Variants in KIF2C observed in about 807,000 individuals in gnomAD.
KIF2C encodes kinesin family member 2C.
In KIF2C, 34 loss-of-function variants were observed where a neutral mutation model predicts 97.4. The ratio of observed to expected loss-of-function variants is 0.35; its 90% CI spans 0.27 to 0.46. The LOEUF (loss-of-function observed/expected upper bound fraction) is 0.46, where lower values mean the gene tolerates loss of function less well. Among genes scored for constraint, KIF2C ranks in the 20% least tolerant of loss-of-function variants. KIF2C has a pLI of 1.00. For synonymous variants in KIF2C, 313 were observed against 318.2 expected (o/e 0.98, Z 0.17); for missense variants, 750 against 907.6 (o/e 0.83, Z 2.23).
chr1:44,752,460 G>A (rs1649582380), intron 5 of KIF2C, among the ~76,000 whole-genome samples: 1 of 152,188 alleles, frequency 6.6e-6, no homozygotes, highest in East Asian at 1.9e-4. Context: ...GATTTTTTAA[G>A]TGAGTCAGAT....
intron 2 of KIF2C, among the ~76,000 whole-genome samples, chr1:44,744,627 G>A (rs992724101): frequency 6.6e-6 from 1 of 152,172 alleles, no homozygotes; most frequent in African/African-American, 2.4e-5. Context: ...TTCGCGGGTC[G>A]TGGTGGCTCA....
At chr1:44,758,203 C>A in intron 13 of KIF2C, 63 bp downstream of exon 13, 1 of 1,495,882 alleles carries the variant, frequency 6.7e-7, no homozygotes, top group Non-Finnish European at 9.2e-7. Flanking sequence ...AACCTTGAAG[C>A]TGGCTAGAAG....
Position 44,753,753 on chromosome 1 carries a change from G to T in KIF2C, c.583G>T (p.Val195Leu), listed in dbSNP as rs1649656007. ...VNSVRRKSCL[V>L]KEVEKMKNKR... ...CATAGTTCGGAGGAAATCATGTCTTGTGAAGGAAGTGGAAAAAATGAAGAA... is the reference window on the plus strand; with the variant it reads ...CATAGTTCGGAGGAAATCATGTCTTTTGAAGGAAGTGGAAAAAATGAAGAA... Residue 195 changes from valine (V) to leucine (L), a missense_variant, in exon 7 of 21, where the codon GTG (valine) becomes TTG (leucine). Val to Leu is a conservative substitution (Grantham distance 32). Coordinates refer to ENST00000372224, the MANE Select transcript of KIF2C (RefSeq NM_006845.4). The T allele has an allele frequency of 1.2e-6, 2 of 1,607,118 alleles. No homozygotes were observed.
chr1:44,751,211 T>C (rs555354498), intron 5 of KIF2C, among the ~76,000 whole-genome samples: 35 of 143,372 alleles, frequency 2.4e-4, no homozygotes, highest in Admixed American at 4.2e-4. Flanking sequence ...TATTTATTTA[T>C]TGAGACAGAG....
At chr1:44,744,693 G>T (rs1649097683) in intron 2 of KIF2C, among the ~76,000 whole-genome samples, 2 of 152,128 alleles carry the variant, frequency 1.3e-5, no homozygotes, top group South Asian at 4.1e-4. Flanking sequence ...GAGGTCAGGA[G>T]TTCAAGACCA....
At chr1:44,755,422 C>T (rs779780375) in intron 8 of KIF2C, among the ~76,000 whole-genome samples, 7 of 152,268 alleles carry the variant, frequency 4.6e-5, no homozygotes, top group Admixed American at 2.6e-4. Context: ...TGTGCCACCA[C>T]GCCTAGGTAA....
In KIF2C at chr1:44,767,320, G is replaced by A; in HGVS notation, c.*141G>A. ...AAATGCCAAGTATGGGGGCATCTGG[G>A]CCCAGGGCAGCTGGGGAGGGGGTCA... On this transcript the variant is annotated 3_prime_UTR_variant, in exon 21 of 21. Transcript: ENST00000372224. 3.0e-6 allele frequency: 2 copies of A among 656,788 alleles called. No homozygotes were observed. The highest frequency in any genetic ancestry group is 2.8e-5 in the East Asian group (1 of 35,324). 40.7% of individuals were successfully genotyped at this position (656,788 alleles called of 1,614,324 possible).
At chr1:44,742,170 C>T (rs748232026) in intron 2 of KIF2C, among the ~76,000 whole-genome samples, 13 of 151,702 alleles carry the variant, frequency 8.6e-5, no homozygotes, top group South Asian at 4.2e-4. Flanking sequence ...AGTGCAGTGG[C>T]GAGATCTCAG....
At chr1:44,745,490 T>TTTTTTG (rs1649142968) in intron 2 of KIF2C, among the ~76,000 whole-genome samples, 2 of 142,430 alleles carry the variant, frequency 1.4e-5, no homozygotes, top group African/African-American at 5.2e-5. Context: ...TTTTTTTTTT[T>TTTTTTG]GAGACAGTGT....
intron 8 of KIF2C, 83 bp from the exon 9 acceptor site, chr1:44,755,846 A>C: frequency 7.7e-7 from 1 of 1,301,672 alleles, no homozygotes; most frequent in Non-Finnish European, 1.1e-6. Context: ...ATGGGATTGG[A>C]AGGGGTGGGA....
At chr1:44,744,001 T>C (rs1434288280) in intron 2 of KIF2C, among the ~76,000 whole-genome samples, 1 of 152,210 alleles carries the variant, frequency 6.6e-6, no homozygotes, top group African/African-American at 2.4e-5. Context: ...ATCCCTTGTT[T>C]TACCTCAGAT....
Position 44,747,137 on chromosome 1 carries a change from G to A in KIF2C, c.166-247G>A, listed in dbSNP as rs148151327. Among the ~76,000 whole-genome samples the A allele has an allele frequency of 3.0e-4, 45 of 152,028 alleles. 1 individual carries two copies. In the East Asian group the frequency reaches 7.8e-3, roughly 26 times the overall value. On this transcript the variant is annotated intron_variant, in intron 2 of 20. Transcript: ENST00000372224. ...ATCCTGGCCAACATGGTGAAACCCT[G>A]TCTCTACTGGAAATACAAAAATTAG...
Position 44,753,154 on chromosome 1 carries a change from C to A in KIF2C, c.462C>A (p.Cys154Ter). The change falls in exon 6 of 21, where the codon TGC (cysteine) becomes TGA (stop). Residue 154 changes from cysteine (C) to a stop codon, truncating the protein, a stop_gained. Coordinates refer to ENST00000372224, the MANE Select transcript of KIF2C (RefSeq NM_006845.4). LOFTEE classifies it high-confidence loss of function. ...SVPPAPTRPS[C>*]PAVAEIPLRM... The stretch of plus-strand genomic sequence containing the variant: ...CAGCTGCCCCCACTAGGCCTTCCTG[C>A]CCTGCAGTGGCTGAAATACCATTGA... 1 of 1,613,472 alleles carries A rather than the reference C, an allele frequency of 6.2e-7. No individual in the cohort carries two copies. Among genetic ancestry groups the A allele is most frequent in the Non-Finnish European group, 8.5e-7 (1 of 1,179,696 alleles).
intron 16 of KIF2C, 133 bp from the exon 17 acceptor site, chr1:44,761,783 T>A: frequency 1.2e-6 from 1 of 806,966 alleles, no homozygotes; most frequent in East Asian, 2.4e-5. Flanking sequence ...CGGTGCTAAA[T>A]GACTCCTCCC....
chr1:44,763,300 T>C (rs1227086464), intron 19 of KIF2C, among the ~76,000 whole-genome samples: 1 of 152,010 alleles, frequency 6.6e-6, no homozygotes, highest in Non-Finnish European at 1.5e-5. Flanking sequence ...TACGTCCCAA[T>C]GGTGGGGCGC....
At chr1:44,752,133 ATTTTTTT>A (rs1176639607) in intron 5 of KIF2C, among the ~76,000 whole-genome samples, 64 of 81,470 alleles carry the variant, frequency 7.9e-4, no homozygotes, top group African/African-American at 3.0e-3. Flanking sequence ...ATTAAATTGA[ATTTTTTT>A]TTTTTTTTTT....
chr1:44,763,473 G>T (rs1204351468), intron 19 of KIF2C, among the ~76,000 whole-genome samples: 1 of 152,104 alleles, frequency 6.6e-6, no homozygotes, highest in East Asian at 1.9e-4. Context: ...GGCTCACCGT[G>T]GTCAGAGCAA....
intron 19 of KIF2C, among the ~76,000 whole-genome samples, chr1:44,764,957 T>C (rs1650374237): frequency 6.6e-6 from 1 of 151,884 alleles, no homozygotes; most frequent in Non-Finnish European, 1.5e-5. Context: ...CCGTCTCTAC[T>C]AAAAATACAA....
chr1:44,755,853 G>C (rs1649799207), intron 8 of KIF2C, 76 bp from the exon 9 acceptor site: 2 of 1,381,326 alleles, frequency 1.4e-6, no homozygotes, highest in Non-Finnish European at 2.1e-6. Flanking sequence ...TGGAAGGGGT[G>C]GGAGTTCTGG....
Sources: allele counts gnomAD v4.1 joint callset (sites outside exome capture counted in the v4.1 genomes callset), GRCh38; gene constraint gnomAD v4.1.1; transcripts MANE v1.5; gene names NCBI Gene and HGNC (gene_info 2026-07-23, HGNC 2026-07-21).